Variants in DNAH10 observed in about 807,000 individuals in gnomAD.
DNAH10 encodes axonemal beta dynein heavy chain 10.
A neutral mutation model predicts 506.6 loss-of-function variants in DNAH10; 348 were observed. The observed-to-expected ratio is 0.69, with a 90% CI of 0.63 to 0.75. The LOEUF is 0.75. Ranked by LOEUF, DNAH10 falls within the 30% of genes least tolerant of loss-of-function variation. The pLI is 0.00. For synonymous variants in DNAH10, 2,059 were observed against 2,198.6 expected (o/e 0.94, Z 1.78); for missense variants, 5,179 against 5,787.1 (o/e 0.89, Z 3.41).
Position 123,785,944 on chromosome 12 carries a change from G to A in DNAH10, c.1421+8G>A, listed in dbSNP as rs1200397002. The A allele has an allele frequency of 6.3e-7, 1 of 1,599,876 alleles. No homozygotes were observed. The highest frequency in any genetic ancestry group is 1.1e-5 in the South Asian group (1 of 90,712). On this transcript the variant is annotated splice_region_variant and intron_variant, in intron 9 of 78. Transcript: ENST00000673944. The surrounding 1 kb of genome is among the most constrained non-coding windows in gnomAD (Gnocchi z 4.1). ...CCTGCGGACTTTGTTCAAGTAAGAA[G>A]CCATGGCGTTCATTTTTTTGTTTTG...
At position 123,924,355 on chromosome 12, in the gene DNAH10, C is replaced by T. The variant is rs370369025; in HGVS notation, c.11689C>T (p.Leu3897Phe). Reference sequence around the variant, plus strand: ...TGACCAAGGATGGGAAGATATCATTCTTTTATCAGAAATGTTTTCAGACAA... The same window carrying T: ...TGACCAAGGATGGGAAGATATCATTTTTTTATCAGAAATGTTTTCAGACAA... ...LSDQGWEDII[L>F]LSEMFSDNFG... is the part of the protein sequence containing the mutation. Residue 3897 changes from leucine (L) to phenylalanine (F), a missense_variant, in exon 67 of 79, where the codon CTT becomes TTT. Coordinates refer to ENST00000673944, the MANE Select transcript of DNAH10 (RefSeq NM_001372106.1). The T allele has an allele frequency of 1.2e-4, 192 of 1,613,572 alleles. No individual in the cohort carries two copies. The highest frequency in any genetic ancestry group is 1.5e-4 in the Non-Finnish European group (179 of 1,179,744).
intron 52 of DNAH10, among the ~76,000 whole-genome samples, chr12:123,891,027 T>C (rs1952958680): frequency 6.6e-6 from 1 of 152,094 alleles, no homozygotes; most frequent in African/African-American, 2.4e-5. Context: ...CTTAAAACAA[T>C]AGAAATCTAC....
In DNAH10 at chr12:123,879,676, G is replaced by A; in HGVS notation, c.8509G>A (p.Asp2837Asn). ...IGSLVVEHFK[D>N]DVEVVMRDPI... ...CAGCTTGGTTGTGGAACATTTTAAAGATGACGTGGAGGTGGTGATGAGGGA... is the reference window on the plus strand; with the variant it reads ...CAGCTTGGTTGTGGAACATTTTAAAAATGACGTGGAGGTGGTGATGAGGGA... The change falls in exon 50 of 79, where the codon GAT becomes AAT. Residue 2837 changes from aspartate (D) to asparagine (N), a missense_variant. This residue lies in a region of DNAH10 where 4,844 missense variants were observed against 5,430.5 expected (regional missense o/e 0.89). Coordinates refer to ENST00000673944, the MANE Select transcript of DNAH10 (RefSeq NM_001372106.1). The A allele has an allele frequency of 6.2e-7, 1 of 1,614,038 alleles. No individual in the cohort carries two copies. The highest frequency in any genetic ancestry group is 1.7e-5 in the Admixed American group (1 of 60,026).
intron 58 of DNAH10, among the ~76,000 whole-genome samples, chr12:123,910,287 G>A (rs796525242): frequency 7.2e-5 from 11 of 152,156 alleles, no homozygotes; most frequent in African/African-American, 1.4e-4. Flanking sequence ...TCTCCGTTAC[G>A]CCCTGGGTCT....
chr12:123,905,701 G>A (rs1054442312), intron 57 of DNAH10, among the ~76,000 whole-genome samples: 8 of 151,540 alleles, frequency 5.3e-5, no homozygotes, highest in African/African-American at 1.5e-4. Context: ...CTTGGTTTGC[G>A]TATCTATTGG....
chr12:123,796,856 G>A (rs367680124), intron 13 of DNAH10, 24 bp downstream of exon 13: 28 of 1,561,164 alleles, frequency 1.8e-5, no homozygotes, highest in Non-Finnish European at 2.3e-5. Context: ...GCTAGAATTG[G>A]CTCCTTTTGT....
chr12:123,881,855 G>A, intron 51 of DNAH10, 42 bp downstream of exon 51: 1 of 1,428,020 alleles, frequency 7.0e-7, no homozygotes, highest in Non-Finnish European at 9.2e-7. Flanking sequence ...TACGATGCCA[G>A]TTTCTGCAGT....
Position 123,926,747 on chromosome 12 carries a change from T to C in DNAH10, c.12032T>C (p.Met4011Thr), listed in dbSNP as rs765421661. ...GGCTCCGACCCTGCCACTGATCTTA[T>C]GAAATTAGCAGAGCGAAGTGGTTTT... ...SPGSDPATDL[M>T]KLAERSGFGG... Residue 4011 changes from methionine to threonine, a missense_variant, in exon 69 of 79, where the codon ATG becomes ACG. Met to Thr is a moderately conservative substitution (Grantham distance 81, BLOSUM62 -1). Around this residue, in one of 3 missense-constraint regions of DNAH10, gnomAD observed 4,844 missense variants for 5,430.5 expected, o/e 0.89. Coordinates refer to ENST00000673944, the MANE Select transcript of DNAH10 (RefSeq NM_001372106.1). This position sits in a 1 kb window ranked among gnomAD's most constrained non-coding sequence, Gnocchi z 4.1. 3.1e-6 allele frequency: 5 copies of C among 1,614,006 alleles called. No homozygotes were observed. Among genetic ancestry groups the C allele is most frequent in the Middle Eastern group, 1.6e-4 (1 of 6,062 alleles).
rs1202070948 is a variant in DNAH10, at chr12:123,780,692, G to A, written c.622-388G>A. 8.6e-5 allele frequency among the ~76,000 whole-genome samples: 13 copies of A among 151,126 alleles called. No individual in the cohort carries two copies. The South Asian group carries it at 1.3e-3, about 15-fold the overall frequency. ...ATTCAGGCTGGGTGCAGTGGCTCAC[G>A]CCTGTAATCCCAGCACTTTGGGAGG... On this transcript the variant is annotated intron_variant, in intron 5 of 78. Transcript: ENST00000673944.
At chr12:123,829,171 G>A (rs1594129813) in intron 25 of DNAH10, among the ~76,000 whole-genome samples, 2 of 152,198 alleles carry the variant, frequency 1.3e-5, no homozygotes, top group African/African-American at 2.4e-5. Context: ...GGGGAGTGGG[G>A]TGGTCGAAGT....
At chr12:123,852,293 A>G (rs1312896213) in intron 35 of DNAH10, among the ~76,000 whole-genome samples, 1 of 152,234 alleles carries the variant, frequency 6.6e-6, no homozygotes, top group African/African-American at 2.4e-5. Flanking sequence ...CTTTTAAGCT[A>G]TCTATAAAAT....
Position 123,907,243 on chromosome 12 carries a change from C to T in DNAH10, c.9816-2018C>T, listed in dbSNP as rs1953824830. ...ATGGAGGGCGGAGGGGGCACCTTCTCTGAGATTGCAAGGAGCTCGGCTGGA... is the reference window on the plus strand; with the variant it reads ...ATGGAGGGCGGAGGGGGCACCTTCTTTGAGATTGCAAGGAGCTCGGCTGGA... On this transcript the variant is annotated intron_variant, in intron 57 of 78. Transcript: ENST00000673944. The surrounding 1 kb of genome is among the most constrained non-coding windows in gnomAD (Gnocchi z 4.4). 6.6e-6 allele frequency among the ~76,000 whole-genome samples: 1 copy of T among 152,232 alleles called. No individual in the cohort carries two copies. Among genetic ancestry groups the T allele is most frequent in the Non-Finnish European group, 1.5e-5 (1 of 68,046 alleles).
chr12:123,800,045 A>G (rs947346560), intron 14 of DNAH10, among the ~76,000 whole-genome samples, 171 bp from the exon 15 acceptor site: 2 of 152,168 alleles, frequency 1.3e-5, no homozygotes, highest in Non-Finnish European at 2.9e-5. Flanking sequence ...TGATTCTTCA[A>G]AATCTCCGTT....
intron 5 of DNAH10, among the ~76,000 whole-genome samples, chr12:123,777,274 G>A (rs1201002700): frequency 1.3e-5 from 2 of 152,196 alleles, no homozygotes; most frequent in Admixed American, 6.5e-5. Context: ...GAGTAGAGAT[G>A]GAAGAGATGA....
At chr12:123,887,375 T>A (rs374122546) in intron 52 of DNAH10, 62 bp downstream of exon 52, 2 of 1,543,490 alleles carry the variant, frequency 1.3e-6, no homozygotes, top group African/African-American at 2.7e-5. Context: ...GGGAGTTCAC[T>A]TTCTTCAGCA....
At chr12:123,806,520 T>G (rs192560737) in intron 18 of DNAH10, among the ~76,000 whole-genome samples, 359 of 152,354 alleles carry the variant, frequency 2.4e-3, no homozygotes, top group African/African-American at 8.4e-3. Context: ...GATCTCTTAC[T>G]GCAGTTAAAG....
At chr12:123,793,452 A>C (rs548263950) in intron 11 of DNAH10, among the ~76,000 whole-genome samples, 1 of 150,168 alleles carries the variant, frequency 6.7e-6, no homozygotes, top group East Asian at 2.0e-4. Flanking sequence ...CGTTCTCCTG[A>C]CTCAGCCTCC....
chr12:123,766,523 ATAGATG>A (rs1957055704), intron 1 of DNAH10, among the ~76,000 whole-genome samples: 1 of 152,196 alleles, frequency 6.6e-6, no homozygotes, highest in African/African-American at 2.4e-5. Flanking sequence ...ATTTAAATAC[ATAGATG>A]TACCACATTC....
rs143644294 is a variant in DNAH10 at position 123,925,239 on chromosome 12, G to T, written c.11921+35G>T. The stretch of plus-strand genomic sequence containing the variant: ...TCGTTTTGTTGATTTGCCACTTTCC[G>T]TGGGGTGGAATCTCTAGCGTCCTCC... On this transcript the variant is annotated intron_variant, in intron 68 of 78. Transcript: ENST00000673944. The surrounding 1 kb of genome is among the most constrained non-coding windows in gnomAD (Gnocchi z 4.0). 3 of 1,612,758 alleles carry T rather than the reference G, an allele frequency of 1.9e-6. No individual in the cohort carries two copies. The highest frequency in any genetic ancestry group is 4.5e-5 in the East Asian group (2 of 44,862).
Sources: gnomAD v4.1 joint callset for allele counts (sites outside exome capture counted in the v4.1 genomes callset) on GRCh38, gnomAD v4.1.1 for gene constraint, gnomAD v4.1.1 regional missense constraint, Gnocchi (gnomAD v3.1) non-coding constraint, MANE v1.5 for transcripts, NCBI Gene and HGNC (gene_info 2026-07-23, HGNC 2026-07-21) for gene names.